The following PAICS variants were observed in gnomAD, a reference collection of about 807,000 sequenced individuals.
PAICS encodes bifunctional phosphoribosylaminoimidazole carboxylase/phosphoribosylaminoimidazole succinocarboxamide synthetase.
Under a neutral mutation model 53.7 loss-of-function variants are expected in PAICS, and 33 were observed. The observed-to-expected ratio is 0.61, with a 90% CI of 0.47 to 0.82. The LOEUF (loss-of-function observed/expected upper bound fraction) is 0.82, where lower values mean the gene tolerates loss of function less well. Ranked by LOEUF, PAICS falls within the 40% of genes least tolerant of loss-of-function variation. PAICS has a pLI of 0.00. For synonymous variants in PAICS, 141 were observed against 167.2 expected (o/e 0.84, Z 1.21); for missense variants, 394 against 494.1 (o/e 0.80, Z 1.92).
At chr4:56,413,096 CAGG>C in the PAICS span, among the ~76,000 whole-genome samples, 1 of 152,074 alleles carries the variant, frequency 6.6e-6, no homozygotes, top group East Asian at 1.9e-4. Flanking sequence ...AGTACTGATT[CAGG>C]AGGATATAAT....
rs1459707305 is a variant in PAICS at position 56,463,495 on chromosome 4, A to T, written c.*3957A>T. ...GATCACCTGAGGTCGGGAGTTCAAGACCAGCCTGACTGACATGGAGAAACC... is the reference window on the plus strand; with the variant it reads ...GATCACCTGAGGTCGGGAGTTCAAGTCCAGCCTGACTGACATGGAGAAACC... On this transcript the variant is annotated 3_prime_UTR_variant, in exon 9 of 9. Coordinates refer to ENST00000512576, the MANE Select transcript of PAICS (RefSeq NM_001079524.2). 2 of 151,870 alleles carry T rather than the reference A, an allele frequency of 1.3e-5. No individual in the cohort carries two copies. Among genetic ancestry groups the T allele is most frequent in the Non-Finnish European group, 2.9e-5 (2 of 68,076 alleles). The allele number at this position is 151,870 out of a possible 1,614,324, so 9.4% of individuals were successfully genotyped here.
At chr4:56,436,878 TC>T (rs34419817) in intron 1 of PAICS, among the ~76,000 whole-genome samples, 56,288 of 151,898 alleles carry the variant, frequency 0.37, 11,828 homozygotes, top group East Asian at 0.66. Flanking sequence ...GCGCCTGTAA[TC>T]CCCAGCTACT....
chr4:56,436,574 A>G (rs928349539), intron 1 of PAICS: 14 of 700,368 alleles, frequency 2.0e-5, no homozygotes, highest in African/African-American at 1.8e-5. Flanking sequence ...GCCTGGAAGT[A>G]TTATTTATAA....
At chr4:56,415,952 C>T in the PAICS span, among the ~76,000 whole-genome samples, 1 of 151,988 alleles carries the variant, frequency 6.6e-6, no homozygotes, top group Non-Finnish European at 1.5e-5. Flanking sequence ...TGCCTGTAAT[C>T]CCAGCTACTC....
intron 1 of PAICS, among the ~76,000 whole-genome samples, chr4:56,436,958 T>C (rs1010745588): frequency 7.2e-5 from 11 of 152,178 alleles, no homozygotes; most frequent in African/African-American, 2.4e-4. Flanking sequence ...GATCGCGCCA[T>C]TGCACTCCAG....
chr4:56,420,124 T>C, the PAICS span: 1 of 394,842 alleles, frequency 2.5e-6, no homozygotes, highest in Non-Finnish European at 3.4e-6. Context: ...CCAAAATGCC[T>C]GGGATCAGAA....
rs1219242469 is a variant in PAICS at position 56,459,527 on chromosome 4, T to C, written c.1267T>C (p.Cys423Arg). The C allele has an allele frequency of 6.4e-7, 1 of 1,551,288 alleles. No individual in the cohort carries two copies. Among genetic ancestry groups the C allele is most frequent in the East Asian group, 2.3e-5 (1 of 43,748 alleles). ...GCAGGCTGACAAGAAAATCAGAGAATGTAATTTATAAGAAAGAATGCCATT... is the reference window on the plus strand; with the variant it reads ...GCAGGCTGACAAGAAAATCAGAGAACGTAATTTATAAGAAAGAATGCCATT... The part of the protein sequence containing the change: ...LKQADKKIRE[C>R]NL The change falls in exon 9 of 9, where the codon TGT (cysteine) becomes CGT (arginine). Residue 423 changes from cysteine (C) to arginine (R), a missense_variant. By Grantham distance (180) the Cys-to-Arg change is radical (BLOSUM62 -3). This residue lies in a region of PAICS where 95 missense variants were observed against 89.3 expected (regional missense o/e 1.06). Transcript: ENST00000512576.
chr4:56,425,741 G>A, the PAICS span, among the ~76,000 whole-genome samples: 12 of 152,148 alleles, frequency 7.9e-5, no homozygotes, highest in African/African-American at 2.2e-4. Flanking sequence ...GATGAGGGTT[G>A]GAGCTTTGTG....
At chr4:56,447,954 T>C (rs1210591450) in intron 3 of PAICS, among the ~76,000 whole-genome samples, 1 of 151,772 alleles carries the variant, frequency 6.6e-6, no homozygotes, top group Non-Finnish European at 1.5e-5. Context: ...TTCAGCCTCC[T>C]AAATTACTGG....
rs1717989001 is a variant in PAICS, at chr4:56,436,640, C to T, written c.16+312C>T. ...AGTCTTGATTCGTCAAAACCTGAGT[C>T]TTGCTTTGCCCGTTAGGTTAATGAC... On this transcript the variant is annotated intron_variant, in intron 1 of 8. Transcript: ENST00000512576. 10 of 636,972 alleles carry T rather than the reference C, an allele frequency of 1.6e-5. No homozygotes were observed. In the Admixed American group the frequency reaches 1.9e-4, roughly 12 times the overall value. The allele number at this position is 636,972 out of a possible 1,614,324, so 39.5% of individuals were successfully genotyped here. A position where few individuals can be genotyped will look rare whatever the true frequency, so the allele number is the denominator to read the frequency against.
At position 56,458,283 on chromosome 4, in the gene PAICS, T is replaced by C. The variant is rs748190859; in HGVS notation, c.1112-1089T>C. Among the ~76,000 whole-genome samples the C allele has an allele frequency of 3.8e-4, 27 of 70,372 alleles. 1 individual carries two copies. The highest frequency in any genetic ancestry group is 1.1e-3 in the South Asian group (2 of 1,872). The allele number at this position is 70,372 out of a possible 152,430, so 46.2% of individuals were successfully genotyped here. A position where few individuals can be genotyped will look rare whatever the true frequency, so the allele number is the denominator to read the frequency against. On this transcript the variant is annotated intron_variant, in intron 8 of 8. Transcript: ENST00000512576. ...TCTGATGTCATGCTCACTAGATAACTTTTTTTTTTTTTTCTGCAATTTAAG... is the reference window on the plus strand; with the variant it reads ...TCTGATGTCATGCTCACTAGATAACCTTTTTTTTTTTTTCTGCAATTTAAG...
At position 56,459,480 on chromosome 4, in the gene PAICS, T is replaced by G. The variant is rs1200280816; in HGVS notation, c.1220T>G (p.Leu407Trp). ...LVWSKLRASI[L>W]NTWISLKQAD... Reference sequence around the variant, plus strand: ...TGGAGCAAACTGCGAGCAAGCATTTTGAACACATGGATTTCCTTGAAGCAG... The same window carrying G: ...TGGAGCAAACTGCGAGCAAGCATTTGGAACACATGGATTTCCTTGAAGCAG... Residue 407 changes from leucine to tryptophan, a missense_variant, in exon 9 of 9, where the codon TTG becomes TGG. Transcript: ENST00000512576. 3 of 1,599,622 alleles carry G rather than the reference T, an allele frequency of 1.9e-6. No homozygotes were observed. The highest frequency in any genetic ancestry group is 2.6e-6 in the Non-Finnish European group (3 of 1,169,014).
intron 1 of PAICS, among the ~76,000 whole-genome samples, chr4:56,440,317 T>C (rs182202418): frequency 6.6e-6 from 1 of 152,356 alleles, no homozygotes; most frequent in East Asian, 1.9e-4. Context: ...TTAATGAGTC[T>C]AGACATTACA....
At chr4:56,436,424 C>A in intron 1 of PAICS, 96 bp downstream of exon 1, 1 of 1,047,164 alleles carries the variant, frequency 9.5e-7, no homozygotes, top group Non-Finnish European at 1.5e-6. Flanking sequence ...TCCCGCCTCC[C>A]TGCAGCAGCG....
chr4:56,410,902 A>C, the PAICS span: 1 of 34,940 alleles, frequency 2.9e-5, no homozygotes, highest in Non-Finnish European at 4.3e-5. Flanking sequence ...CTGAAGGTAA[A>C]AAAAAAAAAA....
upstream of PAICS, chr4:56,436,155 C>T: frequency 2.0e-6 from 3 of 1,493,218 alleles, no homozygotes; most frequent in Admixed American, 4.6e-5. Context: ...GCCCATACCC[C>T]TCCGGGTTAG....
Position 56,436,425 on chromosome 4 carries a change from T to TGCAGCAGCGCCTCTAG in PAICS, c.16+103_16+118dup, listed in dbSNP as rs2110076676. 5 of 1,034,428 alleles carry TGCAGCAGCGCCTCTAG rather than the reference T, an allele frequency of 4.8e-6. No homozygotes were observed. The South Asian group carries it at 6.8e-5, about 14-fold the overall frequency. The allele number at this position is 1,034,428 out of a possible 1,614,324, so 64.1% of individuals were successfully genotyped here. A position where few individuals can be genotyped will look rare whatever the true frequency, so the allele number is the denominator to read the frequency against. On this transcript the variant is annotated intron_variant, in intron 1 of 8. Coordinates refer to ENST00000512576, the MANE Select transcript of PAICS (RefSeq NM_001079524.2). ...GCCGCGAAACTCTGTCCCGCCTCCC[T>TGCAGCAGCGCCTCTAG]GCAGCAGCGCCTCTAGGCAGCCGCG...
At chr4:56,435,592 T>G, upstream of PAICS, 1 of 1,553,662 alleles carries the variant, frequency 6.4e-7, no homozygotes, top group Non-Finnish European at 8.7e-7. Context: ...AGGCTCTTCC[T>G]TCCCGAGGGT....
chr4:56,459,488 T>G lies in PAICS; in HGVS notation c.1228T>G (p.Trp410Gly). Residue 410 changes from tryptophan to glycine, a missense_variant, in exon 9 of 9, where the codon TGG (tryptophan) becomes GGG (glycine). Physicochemically the swap from Trp to Gly is radical, Grantham distance 184 (BLOSUM62 -2). Transcript: ENST00000512576. The stretch of plus-strand genomic sequence containing the variant: ...ACTGCGAGCAAGCATTTTGAACACA[T>G]GGATTTCCTTGAAGCAGGCTGACAA... ...SKLRASILNTWISLKQADKKI... is the reference protein window; with the variant it reads ...SKLRASILNTGISLKQADKKI... 1 of 1,593,378 alleles carries G rather than the reference T, an allele frequency of 6.3e-7. No individual in the cohort carries two copies. The highest frequency in any genetic ancestry group is 8.6e-7 in the Non-Finnish European group (1 of 1,164,470).
Sources: allele counts gnomAD v4.1 joint callset (sites outside exome capture counted in the v4.1 genomes callset), GRCh38; gene constraint gnomAD v4.1.1; regional missense constraint gnomAD v4.1.1; transcripts MANE v1.5; gene names NCBI Gene and HGNC (gene_info 2026-07-23, HGNC 2026-07-21).